The following IFI16 variants were observed in gnomAD, a reference collection of about 807,000 sequenced individuals.
The protein encoded by IFI16 is gamma-interferon-inducible protein 16.
A neutral mutation model predicts 68.4 loss-of-function variants in IFI16; 49 were observed. The ratio of observed to expected loss-of-function variants is 0.72; its 90% CI spans 0.57 to 0.91. The LOEUF is 0.91. Among genes scored for constraint, IFI16 ranks in the 40% least tolerant of loss-of-function variants. The pLI, the probability that IFI16 is intolerant of heterozygous loss-of-function variation, is 0.00. For synonymous variants in IFI16, 307 were observed against 315.0 expected (o/e 0.97, Z 0.27); for missense variants, 878 against 942.9 (o/e 0.93, Z 0.90).
chr1:159,016,510 C>T (rs201009446), intron 3 of IFI16, 23 bp from the exon 4 acceptor site: 102 of 1,593,022 alleles, frequency 6.4e-5, no homozygotes, highest in Non-Finnish European at 7.8e-5. Context: ...AAACGAATAA[C>T]AGGAAAATCA....
intron 3 of IFI16, 50 bp from the exon 4 acceptor site, chr1:159,016,483 A>G: frequency 6.7e-7 from 1 of 1,490,494 alleles, no homozygotes; most frequent in South Asian, 1.2e-5. Flanking sequence ...AATGTGCTCT[A>G]CTTCATTTGG....
chr1:159,020,025 G>A (rs1298064318), intron 5 of IFI16, among the ~76,000 whole-genome samples: 1 of 152,184 alleles, frequency 6.6e-6, no homozygotes, highest in African/African-American at 2.4e-5. Flanking sequence ...GACCCAGAAA[G>A]GCTATCAGAG....
At chr1:159,029,251 G>A (rs886675560) in intron 6 of IFI16, among the ~76,000 whole-genome samples, 5 of 152,194 alleles carry the variant, frequency 3.3e-5, no homozygotes, top group African/African-American at 4.8e-5. Context: ...CATTTATGAA[G>A]CTTAGTTCAC....
At position 159,053,697 on chromosome 1, in the gene IFI16, G is replaced by A; in HGVS notation, c.2250G>A (p.Leu750=). 1.2e-6 allele frequency: 2 copies of A among 1,613,816 alleles called. No homozygotes were observed. The highest frequency in any genetic ancestry group is 1.7e-6 in the Non-Finnish European group (2 of 1,179,822). ...CGAAAAGTGGGAATACCGGGGAGTT[G>A]AGATCTGTAATTCATAGTCACATCA... The part of the protein sequence containing the change: ...LAPKSGNTGE[L]RSVIHSHIKV... Residue 750 remains leucine, a synonymous_variant, in exon 11 of 12, where the codon TTG becomes TTA. Transcript: ENST00000295809.
rs759892438 is a variant in IFI16, at chr1:159,016,586, C to T, written c.435C>T (p.Ser145=). ...CTGGACCCAAAGGGAGTAAGGTGTC[C>T]GAGGAACAGACTCAGCCTCCCTCTC... The part of the protein sequence containing the change: ...EKAGPKGSKV[S]EEQTQPPSPA... Residue 145 remains serine (S), a synonymous_variant, in exon 4 of 12, where the codon TCC becomes TCT. Coordinates refer to ENST00000295809, the MANE Select transcript of IFI16 (RefSeq NM_001376587.1). 1.7e-5 allele frequency: 27 copies of T among 1,614,028 alleles called. No individual in the cohort carries two copies. The highest frequency in any genetic ancestry group is 8.8e-5 in the South Asian group (8 of 91,068).
intron 6 of IFI16, among the ~76,000 whole-genome samples, chr1:159,026,016 T>C (rs1317612428): frequency 6.6e-6 from 1 of 152,210 alleles, no homozygotes; most frequent in Non-Finnish European, 1.5e-5. Context: ...CTCTATTCTG[T>C]TCCATTGGTC....
At chr1:159,046,035 T>C (rs1277043996) in intron 8 of IFI16, among the ~76,000 whole-genome samples, 1 of 151,416 alleles carries the variant, frequency 6.6e-6, no homozygotes, top group Non-Finnish European at 1.5e-5. Flanking sequence ...CTCATGCTTT[T>C]TATTAATATA....
chr1:159,017,530 T>C (rs1383795574), intron 4 of IFI16, among the ~76,000 whole-genome samples: 1 of 152,190 alleles, frequency 6.6e-6, no homozygotes, highest in Non-Finnish European at 1.5e-5. Context: ...TGTCTATTTT[T>C]AGGCTCTGGC....
rs1179514496 is a variant in IFI16 at position 159,048,688 on chromosome 1, T to C, written c.1498-744T>C. Among the ~76,000 whole-genome samples, 2 of 151,534 alleles carry C rather than the reference T, an allele frequency of 1.3e-5. 1 individual carries two copies. The highest frequency in any genetic ancestry group is 3.0e-5 in the Non-Finnish European group (2 of 67,746). ...AAATTAGGTTACTGAATGGCAAAAC[T>C]GCTAAAATAATGTGCCACATTGGCC... is the stretch of plus-strand genomic sequence containing the variant. On this transcript the variant is annotated intron_variant, in intron 8 of 11. Coordinates refer to ENST00000295809, the MANE Select transcript of IFI16 (RefSeq NM_001376587.1).
chr1:159,013,270 G>C (rs913883501), intron 1 of IFI16, among the ~76,000 whole-genome samples: 2 of 141,836 alleles, frequency 1.4e-5, no homozygotes, highest in African/African-American at 5.2e-5. Flanking sequence ...CTGGGTTCAA[G>C]CAATTCTCCT....
chr1:159,051,885 C>G lies in IFI16; in HGVS notation c.1872C>G (p.Phe624Leu). ...KVFNIDLKEK[F>L]TPKKIIAIAN... ...TTAATATTGACCTAAAGGAGAAGTT[C>G]ACCCCAAAGAAGATCATTGCCATAG... The change falls in exon 10 of 12, where the codon TTC becomes TTG. Residue 624 changes from phenylalanine to leucine, a missense_variant. Physicochemically the swap from Phe to Leu is conservative, Grantham distance 22. Around this residue, in one of 4 missense-constraint regions of IFI16, gnomAD observed 311 missense variants for 305.1 expected, o/e 1.02. Transcript: ENST00000295809. 3.1e-6 allele frequency: 5 copies of G among 1,614,008 alleles called. No individual in the cohort carries two copies. The highest frequency in any genetic ancestry group is 4.2e-6 in the Non-Finnish European group (5 of 1,179,892).
At chr1:159,018,700 T>A (rs1390049302) in intron 5 of IFI16, 49 bp downstream of exon 5, 1 of 1,314,202 alleles carries the variant, frequency 7.6e-7, no homozygotes, top group African/African-American at 1.5e-5. Flanking sequence ...ACACCTGAAA[T>A]TAAAAGTCTT....
At chr1:159,052,767 G>GA (rs939525026) in intron 10 of IFI16, 1 of 150,702 alleles carries the variant, frequency 6.6e-6, no homozygotes, top group Middle Eastern at 3.5e-3. Flanking sequence ...GCAAAAAAAA[G>GA]AAAAAAAGCT....
intron 8 of IFI16, among the ~76,000 whole-genome samples, chr1:159,045,990 TCA>T (rs1281867426): frequency 6.6e-6 from 1 of 151,314 alleles, no homozygotes; most frequent in African/African-American, 2.4e-5. Flanking sequence ...TTATATTCTC[TCA>T]GAGTAAATCA....
chr1:159,039,583 A>G (rs1456141167), intron 7 of IFI16, among the ~76,000 whole-genome samples: 1 of 152,036 alleles, frequency 6.6e-6, no homozygotes, highest in Admixed American at 6.6e-5. Context: ...ACCTCAGGCA[A>G]TCCTCCCGCC....
At chr1:159,013,361 G>C in intron 1 of IFI16, among the ~76,000 whole-genome samples, 1 of 151,670 alleles carries the variant, frequency 6.6e-6, no homozygotes, top group Non-Finnish European at 1.5e-5. Flanking sequence ...GTGGAAACGA[G>C]GTCTCACTGT....
At chr1:159,042,778 CAG>C (rs1344033791) in intron 7 of IFI16, among the ~76,000 whole-genome samples, 3 of 151,840 alleles carry the variant, frequency 2.0e-5, no homozygotes, top group South Asian at 4.2e-4. Flanking sequence ...GAAGACAACA[CAG>C]GGGTGGGAAA....
At chr1:159,009,082 C>T (rs1442001532), upstream of IFI16, 1 of 152,234 alleles carries the variant, frequency 6.6e-6, no homozygotes, top group African/African-American at 2.4e-5. Flanking sequence ...GAGGATTAAA[C>T]AGACTCCTCA....
intron 1 of IFI16, among the ~76,000 whole-genome samples, chr1:159,000,560 A>T (rs1652017034): frequency 6.6e-6 from 1 of 152,158 alleles, no homozygotes; most frequent in Non-Finnish European, 1.5e-5. Flanking sequence ...AGAAAATGGG[A>T]TCCATTTTCC....
Sources: gnomAD v4.1 joint callset for allele counts (sites outside exome capture counted in the v4.1 genomes callset) on GRCh38, gnomAD v4.1.1 for gene constraint, gnomAD v4.1.1 regional missense constraint, MANE v1.5 for transcripts, NCBI Gene and HGNC (gene_info 2026-07-23, HGNC 2026-07-21) for gene names.